ACADM: variants seen among roughly 807,000 people sequenced by gnomAD.
ACADM encodes the protein acyl-CoA dehydrogenase medium chain.
A neutral mutation model predicts 58.9 loss-of-function variants in ACADM; 49 were observed. The ratio of observed to expected loss-of-function variants is 0.83; its 90% CI spans 0.66 to 1.06. The LOEUF (loss-of-function observed/expected upper bound fraction) is 1.06, where lower values mean the gene tolerates loss of function less well. Ranked by LOEUF, ACADM falls within the 50% of genes least tolerant of loss-of-function variation. The pLI, the probability that ACADM is intolerant of heterozygous loss-of-function variation, is 0.00. For missense variants in ACADM, 496 were observed against 507.0 expected (o/e 0.98, Z 0.21); for synonymous variants, 160 against 157.7 (o/e 1.01, Z -0.11).
chr1:75,753,950 C>T lies in ACADM; in HGVS notation c.945+3404C>T, dbSNP rs117352989. On this transcript the variant is annotated intron_variant, in intron 10 of 11. Coordinates refer to ENST00000370841, the MANE Select transcript of ACADM (RefSeq NM_000016.6). The stretch of plus-strand genomic sequence containing the variant: ...AGCTGGAACTATAGGTGTGAGCCAC[C>T]ATGCTCAGCTTTTTTTTTTTTTTTT... Among the ~76,000 whole-genome samples the T allele has an allele frequency of 1.3e-3, 181 of 140,054 alleles. 7 individuals carry two copies. The East Asian group carries it at 0.034, about 26-fold the overall frequency. The allele number at this position is 140,054 out of a possible 152,430, so 91.9% of individuals were successfully genotyped here.
intron 7 of ACADM, among the ~76,000 whole-genome samples, chr1:75,744,964 A>G (rs775783578): frequency 8.5e-5 from 13 of 152,296 alleles, no homozygotes; most frequent in Non-Finnish European, 4.4e-5. Flanking sequence ...TGCAACTCAT[A>G]TTACTAAAAG....
At chr1:75,738,817 G>C (rs7516477) in intron 6 of ACADM, among the ~76,000 whole-genome samples, 88,332 of 151,574 alleles carry the variant, frequency 0.58, 26,363 homozygotes, top group East Asian at 0.72. Context: ...CCACAGTACC[G>C]GCCACTCTTG....
rs1337986113 is a variant in ACADM, at chr1:75,762,662, A to G, written c.1195-30A>G. 2.9e-6 allele frequency: 4 copies of G among 1,371,902 alleles called. No individual in the cohort carries two copies. In the South Asian group the frequency reaches 4.7e-5, roughly 16 times the overall value. The allele number at this position is 1,371,902 out of a possible 1,614,324, so 85.0% of individuals were successfully genotyped here. On this transcript the variant is annotated intron_variant, in intron 11 of 11. Transcript: ENST00000370841. Reference sequence around the variant, plus strand: ...ATCAAAGTATTTATGTACTAAAGATATTTAACCTACACTTATATTTTTCTT... The same window carrying G: ...ATCAAAGTATTTATGTACTAAAGATGTTTAACCTACACTTATATTTTTCTT...
intron 5 of ACADM, among the ~76,000 whole-genome samples, chr1:75,734,330 A>ATTTTTT (rs35823639): frequency 7.5e-6 from 1 of 133,376 alleles, no homozygotes; most frequent in Non-Finnish European, 1.6e-5. Context: ...TGCCCGGCTA[A>ATTTTTT]TTTTTTTTTT....
intron 8 of ACADM, among the ~76,000 whole-genome samples, chr1:75,746,117 G>C (rs1196906649): frequency 1.3e-5 from 2 of 152,186 alleles, no homozygotes; most frequent in Non-Finnish European, 2.9e-5. Context: ...TGAAAGAGTA[G>C]TACCAACCTG....
chr1:75,746,165 T>G (rs1323902946), intron 8 of ACADM, among the ~76,000 whole-genome samples: 4 of 152,152 alleles, frequency 2.6e-5, no homozygotes, highest in Non-Finnish European at 5.9e-5. Context: ...AATAATGAAG[T>G]AAAATCAAGC....
chr1:75,744,291 T>C, intron 7 of ACADM: 17 of 1,613,590 alleles, frequency 1.1e-5, no homozygotes, highest in Non-Finnish European at 1.4e-5. Flanking sequence ...CTTTTGGGGC[T>C]GCAGCAGCAG....
At chr1:75,748,651 G>A (rs1158770112) in intron 8 of ACADM, among the ~76,000 whole-genome samples, 1 of 152,144 alleles carries the variant, frequency 6.6e-6, no homozygotes, top group Non-Finnish European at 1.5e-5. Flanking sequence ...TCACTTAAAT[G>A]ACATTCTGGA....
intron 10 of ACADM, among the ~76,000 whole-genome samples, chr1:75,757,680 A>G (rs1338831617): frequency 6.6e-6 from 1 of 152,220 alleles, no homozygotes; most frequent in Non-Finnish European, 1.5e-5. Context: ...TAGAAATGCC[A>G]TTTGACCCAG....
rs559112522 is a variant in ACADM, at chr1:75,726,942, C to CTG, written c.31-1458_31-1457insGT. On this transcript the variant is annotated intron_variant, in intron 1 of 11. Coordinates refer to ENST00000370841, the MANE Select transcript of ACADM (RefSeq NM_000016.6). Reference sequence around the variant, plus strand: ...GCCTCAGCGTCCCGAGTAGCTGGGACTACAGGTGCGTGCCACCACACCTGG... The same window carrying CTG: ...GCCTCAGCGTCCCGAGTAGCTGGGACTGTACAGGTGCGTGCCACCACACCTGG... Among the ~76,000 whole-genome samples the CTG allele has an allele frequency of 2.6e-5, 4 of 151,764 alleles. No homozygotes were observed. The East Asian group carries it at 5.8e-4, about 22-fold the overall frequency.
intron 2 of ACADM, among the ~76,000 whole-genome samples, chr1:75,729,235 T>TC (rs1310070380): frequency 2.0e-5 from 3 of 150,050 alleles, no homozygotes; most frequent in African/African-American, 7.3e-5. Flanking sequence ...TATAAAGGTT[T>TC]TTTTTTTTCT....
Position 75,724,757 on chromosome 1 carries a change from T to C in ACADM, c.-31T>C, listed in dbSNP as rs770059186. 2.6e-6 allele frequency: 4 copies of C among 1,535,070 alleles called. No homozygotes were observed. The highest frequency in any genetic ancestry group is 3.5e-6 in the Non-Finnish European group (4 of 1,139,662). Reference sequence around the variant, plus strand: ...TATGTCAAGGCCGTGACCCGTGTATTATTGTCCGAGTGGCCGGAACGGGAG... The same window carrying C: ...TATGTCAAGGCCGTGACCCGTGTATCATTGTCCGAGTGGCCGGAACGGGAG... On this transcript the variant is annotated 5_prime_UTR_variant, in exon 1 of 12. Coordinates refer to ENST00000370841, the MANE Select transcript of ACADM (RefSeq NM_000016.6).
In ACADM at chr1:75,763,002, C is replaced by G; in HGVS notation, c.*239C>G. 9.0e-6 allele frequency: 3 copies of G among 332,614 alleles called. No individual in the cohort carries two copies. The highest frequency in any genetic ancestry group is 1.7e-5 in the Non-Finnish European group (3 of 179,694). 20.6% of individuals were successfully genotyped at this position (332,614 alleles called of 1,614,324 possible). A position where few individuals can be genotyped will look rare whatever the true frequency, so the allele number is the denominator to read the frequency against. ...ACCACTTTACTTGAATTACATTAAC[C>G]TAGAAAACTACATAGGTTATTTTGA... is the stretch of plus-strand genomic sequence containing the variant. On this transcript the variant is annotated 3_prime_UTR_variant, in exon 12 of 12. Coordinates refer to ENST00000370841, the MANE Select transcript of ACADM (RefSeq NM_000016.6).
chr1:75,740,025 A>G lies in ACADM; in HGVS notation c.514A>G (p.Ile172Val), dbSNP rs1179642524. 9.3e-6 allele frequency: 15 copies of G among 1,612,914 alleles called. No individual in the cohort carries two copies. The highest frequency in any genetic ancestry group is 3.3e-5 in the South Asian group (3 of 91,060). ...TGGAGCAGGCTCTGATGTAGCTGGTATAAAGACCAAAGCAGAAAAGAAAGG... is the reference window on the plus strand; with the variant it reads ...TGGAGCAGGCTCTGATGTAGCTGGTGTAAAGACCAAAGCAGAAAAGAAAGG... ...EPGAGSDVAG[I>V]KTKAEKKGDE... The change falls in exon 7 of 12, where the codon ATA becomes GTA. Residue 172 changes from isoleucine (I) to valine (V), a missense_variant. By Grantham distance (29) the Ile-to-Val change is conservative (BLOSUM62 3). Transcript: ENST00000370841.
chr1:75,742,959 C>T (rs1209876558), intron 7 of ACADM, among the ~76,000 whole-genome samples: 2 of 152,102 alleles, frequency 1.3e-5, no homozygotes, highest in South Asian at 2.1e-4. Context: ...CAAGTGGAAT[C>T]GAGAATGTGC....
At chr1:75,758,243 G>A (rs977992711) in intron 10 of ACADM, among the ~76,000 whole-genome samples, 2 of 151,744 alleles carry the variant, frequency 1.3e-5, no homozygotes, top group African/African-American at 4.8e-5. Context: ...TTGTTTGTTT[G>A]TTTTTTAAGT....
intron 10 of ACADM, among the ~76,000 whole-genome samples, chr1:75,755,897 G>C (rs1648478490): frequency 6.6e-6 from 1 of 152,100 alleles, no homozygotes; most frequent in East Asian, 1.9e-4. Flanking sequence ...TTTCTCCCTG[G>C]GATGCAAGGC....
At chr1:75,739,939 C>T (rs1360766370) in intron 6 of ACADM, 41 bp from the exon 7 acceptor site, 2 of 1,475,874 alleles carry the variant, frequency 1.4e-6, no homozygotes, top group Admixed American at 2.0e-5. Context: ...AATTTAATCA[C>T]TAACATTTAA....
chr1:75,761,587 A>G (rs771654320), intron 11 of ACADM: 2 of 587,892 alleles, frequency 3.4e-6, no homozygotes, highest in Non-Finnish European at 6.0e-6. Flanking sequence ...AAAAAATGGT[A>G]CAGACATGTG....
Sources: allele counts gnomAD v4.1 joint callset (sites outside exome capture counted in the v4.1 genomes callset), GRCh38; gene constraint gnomAD v4.1.1; transcripts MANE v1.5; gene names NCBI Gene and HGNC (gene_info 2026-07-23, HGNC 2026-07-21).